The following ATP9A variants were observed in gnomAD, a reference collection of about 807,000 sequenced individuals.
ATP9A encodes ATPase phospholipid transporting 9A.
Under a neutral mutation model 144.1 loss-of-function variants are expected in ATP9A, and 52 were observed. That is an observed-to-expected ratio of 0.36 (90% confidence interval 0.29 to 0.45). The LOEUF is 0.45. ATP9A is among the 20% of genes least tolerant of loss of function. The probability of loss-of-function intolerance (pLI) is 1.00; values close to 1 mark genes in which losing one functional copy is unlikely to be tolerated. For synonymous variants in ATP9A, 582 were observed against 557.4 expected (o/e 1.04, Z -0.62); for missense variants, 947 against 1,392.7 (o/e 0.68, Z 5.09).
intron 9 of ATP9A, among the ~76,000 whole-genome samples, chr20:51,678,972 G>A (rs928558579): frequency 2.0e-5 from 3 of 152,104 alleles, no homozygotes; most frequent in Non-Finnish European, 4.4e-5. Context: ...GGTCTGCACG[G>A]TGCCTTCAAG....
chr20:51,743,729 G>T (rs1183138211), intron 1 of ATP9A, among the ~76,000 whole-genome samples: 4 of 396 alleles, frequency 0.01, no homozygotes, highest in Non-Finnish European at 0.015. Context: ...AAGAAATTAG[G>T]CCGGGCACGG....
chr20:51,640,631 G>C (rs534438058), intron 14 of ATP9A, among the ~76,000 whole-genome samples: 2 of 152,210 alleles, frequency 1.3e-5, no homozygotes, highest in African/African-American at 4.8e-5. Context: ...AAGAGTCATC[G>C]CACGGGTGTC....
At chr20:51,715,874 G>A (rs923490543) in intron 3 of ATP9A, among the ~76,000 whole-genome samples, 9 of 152,210 alleles carry the variant, frequency 5.9e-5, no homozygotes, top group Non-Finnish European at 7.3e-5. Flanking sequence ...AGCTGTTGGA[G>A]CTGGTGAAGA....
chr20:51,712,285 A>G (rs551752466), intron 4 of ATP9A, among the ~76,000 whole-genome samples: 100 of 152,174 alleles, frequency 6.6e-4, no homozygotes, highest in South Asian at 1.5e-3. Flanking sequence ...CATGTTAGCC[A>G]GGATGGTCTC....
At position 51,730,227 on chromosome 20, in the gene ATP9A, G is replaced by A. The variant is rs191102703; in HGVS notation, c.69-249C>T. The stretch of plus-strand genomic sequence containing the variant: ...CTCACACCTGTAATCCCAGCACTTT[G>A]GGAGGCCGAGGTGGGCAGACCACAA... On this transcript the variant is annotated intron_variant, in intron 1 of 27. Coordinates refer to ENST00000338821, the MANE Select transcript of ATP9A (RefSeq NM_006045.3). 6.4e-3 allele frequency among the ~76,000 whole-genome samples: 971 copies of A among 152,274 alleles called. 3 individuals carry two copies. The highest frequency in any genetic ancestry group is 0.017 in the Middle Eastern group (5 of 294).
chr20:51,617,795 A>G (rs2077209450), intron 21 of ATP9A, among the ~76,000 whole-genome samples: 1 of 152,142 alleles, frequency 6.6e-6, no homozygotes. Flanking sequence ...CAGCAGTGGG[A>G]CTGTGTCCAC....
At chr20:51,726,889 C>CTTTTTTTTTTTTTTTTTTTT (rs55719132) in intron 2 of ATP9A, among the ~76,000 whole-genome samples, 1 of 93,984 alleles carries the variant, frequency 1.1e-5, no homozygotes, top group Admixed American at 1.4e-4. Context: ...TGTGTTATTT[C>CTTTTTTTTTTTTTTTTTTTT]TTTTTTTTTT....
intron 2 of ATP9A, among the ~76,000 whole-genome samples, chr20:51,728,362 C>T (rs1034139684): frequency 2.1e-4 from 32 of 152,284 alleles, no homozygotes; most frequent in Admixed American, 3.9e-4. Flanking sequence ...AGCGCTGGCT[C>T]GTGCCTATAA....
At chr20:51,718,021 C>T (rs2077669772) in intron 3 of ATP9A, among the ~76,000 whole-genome samples, 1 of 151,882 alleles carries the variant, frequency 6.6e-6, no homozygotes, top group South Asian at 2.1e-4. Context: ...TCCTAACATG[C>T]ATACCAATGA....
chr20:51,718,373 T>TG (rs554559902), intron 3 of ATP9A, among the ~76,000 whole-genome samples: 21,829 of 147,020 alleles, frequency 0.15, 1,790 homozygotes, highest in East Asian at 0.28. Context: ...TATGTGTGTG[T>TG]GGGGGGGGGT....
intron 13 of ATP9A, among the ~76,000 whole-genome samples, chr20:51,661,941 T>A (rs1332032946): frequency 6.6e-6 from 1 of 152,170 alleles, no homozygotes; most frequent in Non-Finnish European, 1.5e-5. Context: ...CATTCTCAAC[T>A]TGGATGATTT....
chr20:51,610,218 C>T (rs2077179722), intron 23 of ATP9A, 53 bp from the exon 24 acceptor site: 3 of 1,427,696 alleles, frequency 2.1e-6, no homozygotes, highest in Admixed American at 1.7e-5. Flanking sequence ...AAATCCCTTA[C>T]ATTTACAGAA....
chr20:51,753,666 CT>C (rs67673002), intron 1 of ATP9A, among the ~76,000 whole-genome samples: 27,678 of 137,004 alleles, frequency 0.2, 2,911 homozygotes, highest in Non-Finnish European at 0.25. Context: ...CTTTTTCTTT[CT>C]TTTTTTTTTT....
rs2077305957 is a variant in ATP9A at position 51,638,713 on chromosome 20, A to G, written c.1668+630T>C. ...CCCTGTATCTATAAAAAATTAAAAA[A>G]TGAGTCAGCCCTGGTTTTGCAAGCC... On this transcript the variant is annotated intron_variant, in intron 15 of 27. Transcript: ENST00000338821. 2.0e-5 allele frequency among the ~76,000 whole-genome samples: 3 copies of G among 152,160 alleles called. No homozygotes were observed. In the South Asian group the frequency reaches 6.2e-4, roughly 32 times the overall value.
Position 51,719,804 on chromosome 20 carries a change from T to G in ATP9A, c.327+6015A>C, listed in dbSNP as rs533490534. Among the ~76,000 whole-genome samples the G allele has an allele frequency of 1.1e-3, 142 of 126,830 alleles. 1 individual carries two copies. Among genetic ancestry groups the G allele is most frequent in the African/African-American group, 4.6e-3 (141 of 30,416 alleles). The allele number at this position is 126,830 out of a possible 152,430, so 83.2% of individuals were successfully genotyped here. A position where few individuals can be genotyped will look rare whatever the true frequency, so the allele number is the denominator to read the frequency against. ...GCTCACGCCTATAATCCCAATACTT[T>G]GGGAGGCCAAGGCGAGAGGATCACT... is the stretch of plus-strand genomic sequence containing the variant. On this transcript the variant is annotated intron_variant, in intron 3 of 27. Coordinates refer to ENST00000338821, the MANE Select transcript of ATP9A (RefSeq NM_006045.3).
chr20:51,730,400 G>A lies in ATP9A; in HGVS notation c.69-422C>T, dbSNP rs564717672. On this transcript the variant is annotated intron_variant, in intron 1 of 27. Transcript: ENST00000338821. ...GGATAATCGCTTGAAACCAAGAGGC[G>A]GAGGTCGCAGTGAGCCAAGATCGCA... Among the ~76,000 whole-genome samples, 14 of 152,142 alleles carry A rather than the reference G, an allele frequency of 9.2e-5. No homozygotes were observed. In the South Asian group the frequency reaches 1.2e-3, roughly 14 times the overall value.
Position 51,610,118 on chromosome 20 carries a change from T to G in ATP9A, c.2619A>C (p.Gln873His). ...VFYFASVPLY[Q>H]GFLIIGYSTI... ...TTCCTTACCCAATGATGAGGAATCC[T>G]TGATAGAGAGGGACGGAGGCAAAGT... Residue 873 changes from glutamine (Q) to histidine (H), a missense_variant, in exon 24 of 28, where the codon CAA becomes CAC. Gln to His is a conservative substitution (Grantham distance 24). Coordinates refer to ENST00000338821, the MANE Select transcript of ATP9A (RefSeq NM_006045.3). 6.2e-7 allele frequency: 1 copy of G among 1,607,448 alleles called. No homozygotes were observed. Among genetic ancestry groups the G allele is most frequent in the Non-Finnish European group, 8.5e-7 (1 of 1,173,956 alleles).
At chr20:51,638,617 C>T (rs940381716) in intron 15 of ATP9A, among the ~76,000 whole-genome samples, 2 of 152,058 alleles carry the variant, frequency 1.3e-5, no homozygotes, top group Non-Finnish European at 2.9e-5. Context: ...AATTCCAGCA[C>T]TTTGGGAGTC....
At chr20:51,637,625 C>T (rs374364133) in intron 15 of ATP9A, among the ~76,000 whole-genome samples, 3 of 150,790 alleles carry the variant, frequency 2.0e-5, no homozygotes, top group Admixed American at 6.6e-5. Flanking sequence ...GAAAATTCTC[C>T]GCCAGCAGGC....
Sources: gnomAD v4.1 joint callset for allele counts (sites outside exome capture counted in the v4.1 genomes callset) on GRCh38, gnomAD v4.1.1 for gene constraint, MANE v1.5 for transcripts, NCBI Gene and HGNC (gene_info 2026-07-23, HGNC 2026-07-21) for gene names.